BLTP1: variants seen among roughly 807,000 people sequenced by gnomAD.
BLTP1 encodes fragile site-associated protein.
At chr4:122,267,395 T>C in the BLTP1 span, among the ~76,000 whole-genome samples, 1 of 152,148 alleles carries the variant, frequency 6.6e-6, no homozygotes, top group African/African-American at 2.4e-5. Context: ...AGAAGATAAT[T>C]ACCTTTTAGT....
At chr4:122,207,952 A>G in the BLTP1 span, 2 of 982,894 alleles carry the variant, frequency 2.0e-6, no homozygotes, top group South Asian at 4.7e-5. Context: ...AACTAATTTT[A>G]TACTTCCCTT....
At chr4:122,362,450 A>G in the BLTP1 span, 1 of 413,576 alleles carries the variant, frequency 2.4e-6, no homozygotes, top group African/African-American at 2.0e-5. Context: ...TTTGTGAAAA[A>G]CTAGATTAAA....
the BLTP1 span, chr4:122,186,148 A>C: frequency 6.2e-7 from 1 of 1,612,792 alleles, no homozygotes; most frequent in East Asian, 2.2e-5. Context: ...TGGAGCCAAC[A>C]ATAATTCCAC....
the BLTP1 span, among the ~76,000 whole-genome samples, chr4:122,157,585 C>A: frequency 6.6e-6 from 1 of 152,144 alleles, no homozygotes; most frequent in East Asian, 1.9e-4. Context: ...AGGCAGAGCT[C>A]AGGTGGTAAT....
chr4:122,153,105 C>A, the BLTP1 span: 1 of 835,148 alleles, frequency 1.2e-6, no homozygotes, highest in Non-Finnish European at 1.4e-6. Flanking sequence ...TCCTATTGGT[C>A]AAAGGAAGGT....
At chr4:122,314,987 G>A in the BLTP1 span, among the ~76,000 whole-genome samples, 1 of 151,990 alleles carries the variant, frequency 6.6e-6, no homozygotes, top group African/African-American at 2.4e-5. Context: ...TCCCCTCTTG[G>A]CTACTTGTTT....
At chr4:122,324,096 TTTAA>T in the BLTP1 span, among the ~76,000 whole-genome samples, 1 of 151,982 alleles carries the variant, frequency 6.6e-6, no homozygotes, top group Non-Finnish European at 1.5e-5. Flanking sequence ...CTCCCAAAAC[TTTAA>T]TTCTCAGTTT....
the BLTP1 span, among the ~76,000 whole-genome samples, chr4:122,157,347 T>C: frequency 2.0e-5 from 3 of 152,148 alleles, no homozygotes; most frequent in Non-Finnish European, 4.4e-5. Flanking sequence ...TCTAGGGTAG[T>C]GGTCCTCAAC....
At chr4:122,227,719 C>T in the BLTP1 span, 2 of 153,372 alleles carry the variant, frequency 1.3e-5, no homozygotes, top group East Asian at 3.9e-4. Context: ...TATATATTGA[C>T]AATAAAGGAA....
chr4:122,179,774 A>G, the BLTP1 span: 1 of 877,284 alleles, frequency 1.1e-6, no homozygotes, highest in Non-Finnish European at 1.4e-6. Context: ...ATACATGCAC[A>G]CACACTCACA....
the BLTP1 span, chr4:122,182,559 C>T: frequency 2.7e-6 from 2 of 736,020 alleles, no homozygotes; most frequent in Non-Finnish European, 3.3e-6. Context: ...CTGACATAAT[C>T]CTACTCACTC....
At chr4:122,155,080 T>G in the BLTP1 span, 1 of 262,980 alleles carries the variant, frequency 3.8e-6, no homozygotes, top group Non-Finnish European at 5.9e-6. Context: ...CTTCTGGTAA[T>G]AGAGCAATGG....
chr4:122,298,753 GAAT>G, the BLTP1 span: 2 of 547,576 alleles, frequency 3.7e-6, no homozygotes, highest in Non-Finnish European at 4.7e-6. Flanking sequence ...TGAGGCATAG[GAAT>G]GATTCGAACT....
chr4:122,353,380 G>T, the BLTP1 span: 1 of 337,508 alleles, frequency 3.0e-6, no homozygotes, highest in Non-Finnish European at 4.2e-6. The surrounding 1 kb of genome is among the most constrained non-coding windows in gnomAD (Gnocchi z 4.3). Context: ...CTGCTGCTGT[G>T]GCTAAACATA....
the BLTP1 span, chr4:122,302,248 G>T: frequency 3.1e-6 from 3 of 982,280 alleles, no homozygotes; most frequent in Non-Finnish European, 3.6e-6. Flanking sequence ...ACTAACACGA[G>T]AAATTAACGT....
At chr4:122,203,317 C>A in the BLTP1 span, among the ~76,000 whole-genome samples, 2 of 151,708 alleles carry the variant, frequency 1.3e-5, no homozygotes, top group Non-Finnish European at 3.0e-5. Flanking sequence ...GAAATGAAAG[C>A]TATAAAACAA....
chr4:122,349,990 C>A, the BLTP1 span: 1 of 1,613,702 alleles, frequency 6.2e-7, no homozygotes, highest in Non-Finnish European at 8.5e-7. This position sits in a 1 kb window ranked among gnomAD's most constrained non-coding sequence, Gnocchi z 4.5. Context: ...TACCAGCAAA[C>A]GAGCTCTGTC....
the BLTP1 span, chr4:122,169,714 C>G: frequency 2.0e-6 from 2 of 981,372 alleles, no homozygotes; most frequent in Admixed American, 6.2e-5. Flanking sequence ...TATATGCACA[C>G]ATATGTGTAT....
chr4:122,311,482 T>C, the BLTP1 span, among the ~76,000 whole-genome samples: 1 of 152,110 alleles, frequency 6.6e-6, no homozygotes, highest in African/African-American at 2.4e-5. Flanking sequence ...TTATTAGTAA[T>C]AAGTATACCT....
Sources: allele counts gnomAD v4.1 joint callset (sites outside exome capture counted in the v4.1 genomes callset), GRCh38; gene constraint gnomAD v4.1.1; non-coding constraint Gnocchi (gnomAD v3.1); transcripts MANE v1.5; gene names NCBI Gene and HGNC (gene_info 2026-07-23, HGNC 2026-07-21).